The following TOR1AIP2 variants were observed in gnomAD, a reference collection of about 807,000 sequenced individuals.
TOR1AIP2 encodes torsin 1A interacting protein 2, also known as torsin-1A-interacting protein 2.
TOR1AIP2 carries 20 observed loss-of-function variants against 32.6 expected under a neutral mutation model. That is an observed-to-expected ratio of 0.61 (90% CI 0.43 to 0.89). TOR1AIP2 has a LOEUF of 0.89. Among genes scored for constraint, TOR1AIP2 ranks in the 40% least tolerant of loss-of-function variants. The pLI is 0.00. For synonymous variants in TOR1AIP2, 214 were observed against 210.8 expected, an observed-to-expected ratio of 1.02 and a Z score of -0.13; for missense variants, 456 against 553.8, an observed-to-expected ratio of 0.82 and a Z score of 1.77.
At chr1:179,861,546 T>C (rs148853303) in intron 3 of TOR1AIP2, 2 of 984,892 alleles carry the variant, frequency 2.0e-6, no homozygotes, top group African/African-American at 1.7e-5. Context: ...TATATTCACA[T>C]AGTTTATAAT....
chr1:179,848,452 A>C (rs907371207), intron 5 of TOR1AIP2, among the ~76,000 whole-genome samples: 18 of 152,228 alleles, frequency 1.2e-4, no homozygotes, highest in Non-Finnish European at 2.9e-5. Flanking sequence ...TGAAACTCTT[A>C]GTGAAGGAGA....
At chr1:179,866,518 T>A (rs1696782036) in intron 2 of TOR1AIP2, among the ~76,000 whole-genome samples, 1 of 152,206 alleles carries the variant, frequency 6.6e-6, no homozygotes, top group African/African-American at 2.4e-5. Flanking sequence ...GTTCAAGCGA[T>A]TCTCCTGCTT....
Position 179,841,649 on chromosome 1 carries a change from A to G in TOR1AIP2, c.*4422T>C, listed in dbSNP as rs1695720490. 6.6e-6 allele frequency: 1 copy of G among 152,182 alleles called. No homozygotes were observed. The highest frequency in any genetic ancestry group is 1.5e-5 in the Non-Finnish European group (1 of 68,024). 9.4% of individuals were successfully genotyped at this position (152,182 alleles called of 1,614,324 possible). A position where few individuals can be genotyped will look rare whatever the true frequency, so the allele number is the denominator to read the frequency against. On this transcript the variant is annotated 3_prime_UTR_variant, in exon 7 of 7. Transcript: ENST00000609928. Reference sequence around the variant, plus strand: ...AAAGAAAGTACTTCTCTGCAAGTAAATTTTATGGATATAATCTTTATTCTG... The same window carrying G: ...AAAGAAAGTACTTCTCTGCAAGTAAGTTTTATGGATATAATCTTTATTCTG...
chr1:179,857,034 G>A, intron 3 of TOR1AIP2, among the ~76,000 whole-genome samples: 1 of 152,198 alleles, frequency 6.6e-6, no homozygotes, highest in South Asian at 2.1e-4. Flanking sequence ...TGCAGTAGCT[G>A]GAGACTTTCT....
chr1:179,860,635 G>A, intron 3 of TOR1AIP2: 3 of 985,004 alleles, frequency 3.0e-6, no homozygotes, highest in Non-Finnish European at 3.6e-6. Context: ...ACAACAGTAT[G>A]AGGTAGGTAT....
At chr1:179,850,812 A>T in intron 5 of TOR1AIP2, 33 bp downstream of exon 5, 1 of 1,596,066 alleles carries the variant, frequency 6.3e-7, no homozygotes, top group Non-Finnish European at 8.5e-7. Context: ...AGAGCAGTAC[A>T]AAACAGGAGA....
At chr1:179,864,731 GCTAC>G in intron 3 of TOR1AIP2, 1 of 1,517,668 alleles carries the variant, frequency 6.6e-7, no homozygotes, top group Non-Finnish European at 8.8e-7. Context: ...TCTTCCTTGG[GCTAC>G]CTACACAAAA....
chr1:179,850,869 G>A lies in TOR1AIP2; in HGVS notation c.529C>T (p.Leu177=), dbSNP rs1696089376. ...SSAGQEGEDT[L]RRRLLAPEAG... is the part of the protein sequence containing the mutation. ...CCTGGGGCCAGCAGTCGCCTCCTCA[G>A]TGTATCCTCACCCTCTTGCCCTGCA... The change falls in exon 5 of 7, where the codon CTG becomes TTG. Residue 177 remains leucine (L), a synonymous_variant. Transcript: ENST00000609928. The A allele has an allele frequency of 6.2e-7, 1 of 1,613,806 alleles. No individual in the cohort carries two copies.
At chr1:179,875,803 C>T (rs1462725217) in intron 2 of TOR1AIP2, 1 of 152,124 alleles carries the variant, frequency 6.6e-6, no homozygotes, top group Non-Finnish European at 1.5e-5. Context: ...TCAAACCCAG[C>T]TATGACTCCA....
At chr1:179,877,599 G>A (rs1035266234) in intron 1 of TOR1AIP2, 94 bp downstream of exon 1, 1 of 151,582 alleles carries the variant, frequency 6.6e-6, no homozygotes, top group Non-Finnish European at 1.5e-5. Context: ...TGGGGGTGGG[G>A]AGGGACCGTT....
chr1:179,862,041 G>A (rs1696555463), intron 3 of TOR1AIP2: 1 of 985,252 alleles, frequency 1.0e-6, no homozygotes, highest in South Asian at 4.7e-5. Flanking sequence ...GGCCCTACAA[G>A]CAACCTGAGG....
In TOR1AIP2 at chr1:179,850,116, TTAGAA is replaced by T. The variant is rs1379089807; in HGVS notation, c.553+724_553+728del. 1.5e-3 allele frequency among the ~76,000 whole-genome samples: 222 copies of T among 152,308 alleles called. 1 individual carries two copies. Among genetic ancestry groups the T allele is most frequent in the African/African-American group, 5.2e-3 (218 of 41,544 alleles). ...CACAGACAATCACAGAAGGTGAAAG[TTAGAA>T]GAATGTTTGGATATCATCTTGTCCA... is the stretch of plus-strand genomic sequence containing the variant. On this transcript the variant is annotated intron_variant, in intron 5 of 6. Transcript: ENST00000609928.
intron 3 of TOR1AIP2, chr1:179,859,328 G>C (rs1213054328): frequency 1.1e-6 from 1 of 879,206 alleles, no homozygotes; most frequent in African/African-American, 1.8e-5. Flanking sequence ...TGAGGAAACT[G>C]AGATACAGAA....
intron 3 of TOR1AIP2, chr1:179,861,599 T>C: frequency 2.0e-6 from 2 of 985,458 alleles, no homozygotes; most frequent in Non-Finnish European, 2.4e-6. Flanking sequence ...GAAACATTCC[T>C]GATTAGTTTA....
chr1:179,865,279 A>C, intron 3 of TOR1AIP2, 157 bp downstream of exon 3: 1 of 1,405,880 alleles, frequency 7.1e-7, no homozygotes, highest in Non-Finnish European at 9.5e-7. Flanking sequence ...TCGTTTACCA[A>C]TTTCTTAGTT....
Position 179,847,590 on chromosome 1 carries a change from T to C in TOR1AIP2, c.600A>G (p.Lys200=). 6.2e-7 allele frequency: 1 copy of C among 1,614,142 alleles called. No individual in the cohort carries two copies. Among genetic ancestry groups the C allele is most frequent in the Non-Finnish European group, 8.5e-7 (1 of 1,179,982 alleles). ...PQQTQKLEEI[K]ENAQDTMRQI... is the part of the protein sequence containing the mutation. ...GTCTCATGGTGTCCTGTGCATTCTC[T>C]TTAATTTCTTCCAATTTTTGTGTTT... The change falls in exon 6 of 7, where the codon AAA becomes AAG. Residue 200 remains lysine (K), a synonymous_variant. Coordinates refer to ENST00000609928, the MANE Select transcript of TOR1AIP2 (RefSeq NM_001199260.2).
At position 179,846,171 on chromosome 1, in the gene TOR1AIP2, A is replaced by C. The variant is rs1695893253; in HGVS notation, c.1313T>G (p.Met438Arg). Residue 438 changes from methionine to arginine, a missense_variant, in exon 7 of 7, where the codon ATG (methionine) becomes AGG (arginine). Transcript: ENST00000609928. ...CAGCCCACTCAATTTGTCTGAGTCC[A>C]TGTGGTTGAAGGAGGTGGGAGTGTC... ...NSDTPTSFNH[M>R]DSDKLSGLWS... 6.2e-7 allele frequency: 1 copy of C among 1,614,078 alleles called. No homozygotes were observed. Among genetic ancestry groups the C allele is most frequent in the Non-Finnish European group, 8.5e-7 (1 of 1,180,044 alleles).
At chr1:179,864,028 T>A in intron 3 of TOR1AIP2, 9 of 985,456 alleles carry the variant, frequency 9.1e-6, no homozygotes, top group Non-Finnish European at 9.6e-6. Context: ...CTTTTCCATT[T>A]CCAGGGGAGG....
At position 179,851,378 on chromosome 1, in the gene TOR1AIP2, GTT is replaced by G; in HGVS notation, c.35-17_35-16del. Reference sequence around the variant, plus strand: ...CTTTTGAGAGTCTATTGAGATAAAAGTTTATAATTTTTATTGGAAAAAATTCC... The same window carrying G: ...CTTTTGAGAGTCTATTGAGATAAAAGTATAATTTTTATTGGAAAAAATTCC... On this transcript the variant is annotated splice_polypyrimidine_tract_variant and intron_variant, in intron 4 of 6. Transcript: ENST00000609928. 1.4e-6 allele frequency: 2 copies of G among 1,470,738 alleles called. No individual in the cohort carries two copies. The highest frequency in any genetic ancestry group is 1.8e-6 in the Non-Finnish European group (2 of 1,118,694). The allele number at this position is 1,470,738 out of a possible 1,614,324, so 91.1% of individuals were successfully genotyped here.
Sources: allele counts gnomAD v4.1 joint callset (sites outside exome capture counted in the v4.1 genomes callset), GRCh38; gene constraint gnomAD v4.1.1; transcripts MANE v1.5; gene names NCBI Gene and HGNC (gene_info 2026-07-23, HGNC 2026-07-21).